NTM: variants seen among roughly 807,000 people sequenced by gnomAD.
The protein encoded by NTM is neurotrimin, also known as IgLON family member 2.
In NTM, 13 loss-of-function variants were observed where a neutral mutation model predicts 42.1. The observed-to-expected ratio is 0.31, with a 90% confidence interval of 0.20 to 0.49. NTM has a LOEUF of 0.49. NTM is among the 20% of genes least tolerant of loss of function. The pLI is 0.99. For missense variants in NTM, 373 were observed against 452.8 expected, an observed-to-expected ratio of 0.82 and a Z score of 1.60; for synonymous variants, 187 against 179.2, an observed-to-expected ratio of 1.04 and a Z score of -0.35.
chr11:131,669,093 T>C (rs113870688), intron 1 of NTM, among the ~76,000 whole-genome samples: 1,523 of 152,232 alleles, frequency 0.01, 32 homozygotes, highest in African/African-American at 0.035. Context: ...GGTTTCTCTG[T>C]GCCCCGTAGG....
chr11:131,888,904 CTTTATTTTTTTTTTT>C lies in NTM; in HGVS notation c.83-22651_83-22637del, dbSNP rs936101923. 1.8e-3 allele frequency among the ~76,000 whole-genome samples: 269 copies of C among 147,276 alleles called. 1 individual carries two copies. The highest frequency in any genetic ancestry group is 0.013 in the Admixed American group (196 of 15,016). ...CGACATAGAATCTAGCTTTATTCCT[CTTTATTTTTTTTTTT>C]TTTATTTTACCAGTGACAAGGACCG... On this transcript the variant is annotated intron_variant, in intron 1 of 8. Transcript: ENST00000683400.
At chr11:131,630,163 C>T (rs1021659975) in intron 1 of NTM, among the ~76,000 whole-genome samples, 2 of 152,190 alleles carry the variant, frequency 1.3e-5, no homozygotes, top group South Asian at 4.1e-4. Context: ...GGAGGTCGGG[C>T]CATGGTCTAT....
At chr11:132,043,907 G>A (rs766854377) in intron 2 of NTM, among the ~76,000 whole-genome samples, 2 of 152,010 alleles carry the variant, frequency 1.3e-5, no homozygotes, top group Non-Finnish European at 2.9e-5. Context: ...CCAATCTTGG[G>A]ATAAATGGCA....
Position 132,219,608 on chromosome 11 carries a change from G to A in NTM, c.526+7461G>A, listed in dbSNP as rs115933022. 8.1e-3 allele frequency among the ~76,000 whole-genome samples: 1,227 copies of A among 152,042 alleles called. 11 individuals are homozygous for A. The highest frequency in any genetic ancestry group is 0.028 in the African/African-American group (1,169 of 41,452). ...TCTCATATTTCCCAAACCAATCAAA[G>A]GAATTCATAAGAAAAGGCCCTCCCC... On this transcript the variant is annotated intron_variant, in intron 4 of 8. Coordinates refer to ENST00000683400, the MANE Select transcript of NTM (RefSeq NM_001352005.2).
chr11:131,958,306 T>C (rs530001567), intron 2 of NTM, among the ~76,000 whole-genome samples: 1 of 152,192 alleles, frequency 6.6e-6, no homozygotes, highest in East Asian at 1.9e-4. Flanking sequence ...TTCCTCCCTC[T>C]CAGTGCTTTG....
intron 1 of NTM, among the ~76,000 whole-genome samples, chr11:131,798,865 G>A (rs2091858548): frequency 6.6e-6 from 1 of 152,154 alleles, no homozygotes; most frequent in African/African-American, 2.4e-5. Flanking sequence ...AGATGGTAAC[G>A]CCCAGTGAAC....
intron 2 of NTM, among the ~76,000 whole-genome samples, chr11:131,964,226 T>C (rs745429203): frequency 2.0e-5 from 3 of 152,128 alleles, no homozygotes; most frequent in Non-Finnish European, 4.4e-5. Flanking sequence ...CAGGGGTTGG[T>C]TGGGGGCTTC....
chr11:131,802,926 G>C (rs975179832), intron 1 of NTM, among the ~76,000 whole-genome samples: 5 of 152,222 alleles, frequency 3.3e-5, no homozygotes, highest in Non-Finnish European at 7.3e-5. Context: ...ACTCAGGAGA[G>C]AGCCTGATGG....
chr11:131,987,892 G>C (rs2066346796), intron 2 of NTM, among the ~76,000 whole-genome samples: 1 of 152,238 alleles, frequency 6.6e-6, no homozygotes, highest in African/African-American at 2.4e-5. Context: ...CTAAATGCTG[G>C]AAACGCAGAG....
chr11:131,621,076 C>G (rs1360065655), intron 1 of NTM, among the ~76,000 whole-genome samples: 1 of 152,100 alleles, frequency 6.6e-6, no homozygotes, highest in East Asian at 1.9e-4. Context: ...CATGTGAGAG[C>G]AGGAAGAGAA....
chr11:132,028,825 CT>C (rs2075542651), intron 2 of NTM, among the ~76,000 whole-genome samples: 1 of 152,104 alleles, frequency 6.6e-6, no homozygotes, highest in Non-Finnish European at 1.5e-5. Context: ...TGCCTTTGCT[CT>C]CCCCCTGCTG....
chr11:131,679,489 T>C (rs572080132), intron 1 of NTM, among the ~76,000 whole-genome samples: 1 of 151,922 alleles, frequency 6.6e-6, no homozygotes, highest in Non-Finnish European at 1.5e-5. Context: ...CCGTGATTGA[T>C]TGATAATGTC....
chr11:131,994,553 C>T (rs1375165481), intron 2 of NTM, among the ~76,000 whole-genome samples: 5 of 152,088 alleles, frequency 3.3e-5, no homozygotes, highest in Admixed American at 6.5e-5. Context: ...CTAATGTGAG[C>T]GGGTGTGTTG....
chr11:132,330,226 G>A (rs1173411482), intron 8 of NTM, 41 bp downstream of exon 8: 45 of 1,534,090 alleles, frequency 2.9e-5, no homozygotes, highest in Non-Finnish European at 4.0e-5. Flanking sequence ...TGGTGGGTGT[G>A]GGGTATGTAA....
chr11:131,997,739 G>A (rs979941078), intron 2 of NTM, among the ~76,000 whole-genome samples: 4 of 152,064 alleles, frequency 2.6e-5, no homozygotes, highest in East Asian at 3.9e-4. Flanking sequence ...AAGTGCTCTC[G>A]AGCCTGTGAT....
chr11:131,531,244 T>C (rs778819373), intron 1 of NTM, among the ~76,000 whole-genome samples: 51 of 152,142 alleles, frequency 3.4e-4, no homozygotes, highest in Admixed American at 1.5e-3. Context: ...CAAGTGATCC[T>C]CCTACCTCAG....
At position 131,789,417 on chromosome 11, in the gene NTM, A is replaced by G. The variant is rs555991058; in HGVS notation, c.83-122147A>G. On this transcript the variant is annotated intron_variant, in intron 1 of 8. Transcript: ENST00000683400. Reference sequence around the variant, plus strand: ...CAGAAGTATTGCTGCAGTTAAAAGAAAAAAAGAAGAAGGAAGAAGAAGAAG... The same window carrying G: ...CAGAAGTATTGCTGCAGTTAAAAGAGAAAAAGAAGAAGGAAGAAGAAGAAG... 2.8e-4 allele frequency among the ~76,000 whole-genome samples: 15 copies of G among 53,262 alleles called. 2 individuals carry two copies. The highest frequency in any genetic ancestry group is 1.4e-3 in the African/African-American group (15 of 10,974). 34.9% of individuals were successfully genotyped at this position (53,262 alleles called of 152,430 possible). A position where few individuals can be genotyped will look rare whatever the true frequency, so the allele number is the denominator to read the frequency against.
intron 1 of NTM, among the ~76,000 whole-genome samples, chr11:131,371,466 G>A (rs1041085822): frequency 6.6e-6 from 1 of 152,212 alleles, no homozygotes; most frequent in Non-Finnish European, 1.5e-5. Flanking sequence ...GTTCGGGGGT[G>A]TGTTTGTGGC....
chr11:131,528,063 ATT>A (rs796317787), intron 1 of NTM, among the ~76,000 whole-genome samples: 4 of 151,638 alleles, frequency 2.6e-5, no homozygotes, highest in African/African-American at 9.7e-5. Context: ...AATGTTCCAA[ATT>A]TTTTTAAAAA....
Sources: gnomAD v4.1 joint callset for allele counts (sites outside exome capture counted in the v4.1 genomes callset) on GRCh38, gnomAD v4.1.1 for gene constraint, MANE v1.5 for transcripts, NCBI Gene and HGNC (gene_info 2026-07-23, HGNC 2026-07-21) for gene names.